Variants in NCKAP5 observed in about 807,000 individuals in gnomAD.
NCKAP5 encodes nck-associated protein 5.
In NCKAP5, 92 loss-of-function variants were observed where a neutral mutation model predicts 167.0. That is an observed-to-expected ratio of 0.55 (90% confidence interval 0.47 to 0.66). NCKAP5 has a LOEUF of 0.66. NCKAP5 is among the 30% of genes least tolerant of loss of function. The pLI is 0.00. For synonymous variants in NCKAP5, 891 were observed against 877.4 expected (o/e 1.02, Z -0.27); for missense variants, 2,378 against 2,315.0 (o/e 1.03, Z -0.56).
At chr2:133,455,844 A>C (rs1019875692) in intron 3 of NCKAP5, among the ~76,000 whole-genome samples, 2 of 152,172 alleles carry the variant, frequency 1.3e-5, no homozygotes, top group East Asian at 3.9e-4. Context: ...AAGACTTCAC[A>C]AGCATTAAGT....
intron 8 of NCKAP5, among the ~76,000 whole-genome samples, chr2:132,911,767 G>A (rs1300026197): frequency 6.6e-6 from 1 of 152,172 alleles, no homozygotes; most frequent in African/African-American, 2.4e-5. Context: ...AAGAGGTAAC[G>A]GAGAATTCTC....
At chr2:132,716,395 C>A (rs956501403) in intron 19 of NCKAP5, among the ~76,000 whole-genome samples, 3 of 152,200 alleles carry the variant, frequency 2.0e-5, no homozygotes, top group Non-Finnish European at 4.4e-5. Flanking sequence ...AGCACCATTG[C>A]CTAGTTCCGT....
At chr2:133,670,327 A>G in the NCKAP5 span, among the ~76,000 whole-genome samples, 1 of 152,214 alleles carries the variant, frequency 6.6e-6, no homozygotes, top group Non-Finnish European at 1.5e-5. Context: ...CCCTGAGCAC[A>G]CTGATTAACT....
intron 4 of NCKAP5, among the ~76,000 whole-genome samples, chr2:133,228,489 T>C (rs1320612496): frequency 6.6e-6 from 1 of 152,220 alleles, no homozygotes; most frequent in Non-Finnish European, 1.5e-5. Flanking sequence ...CTTAACAATT[T>C]ATATTAAGCA....
intron 4 of NCKAP5, among the ~76,000 whole-genome samples, chr2:133,271,558 C>T (rs540279388): frequency 6.6e-6 from 1 of 152,236 alleles, no homozygotes; most frequent in African/African-American, 2.4e-5. Context: ...TAAATGACAT[C>T]ACAAGGAAAC....
intron 5 of NCKAP5, among the ~76,000 whole-genome samples, chr2:133,187,262 A>T (rs1298742008): frequency 6.6e-6 from 1 of 152,016 alleles, no homozygotes; most frequent in African/African-American, 2.4e-5. Flanking sequence ...TATAGTTTTG[A>T]GAGATCTTCT....
chr2:132,789,738 AAAAATC>A (rs1683896646), intron 13 of NCKAP5, among the ~76,000 whole-genome samples: 1 of 152,218 alleles, frequency 6.6e-6, no homozygotes, highest in Non-Finnish European at 1.5e-5. Context: ...AGTAATTATT[AAAAATC>A]CTGGTAAAGG....
intron 3 of NCKAP5, among the ~76,000 whole-genome samples, chr2:133,316,958 A>G (rs1186355118): frequency 6.6e-6 from 1 of 152,154 alleles, no homozygotes; most frequent in Non-Finnish European, 1.5e-5. Flanking sequence ...GTGAATCACC[A>G]TGACTGACCA....
chr2:132,974,345 G>T (rs770391640), intron 7 of NCKAP5, among the ~76,000 whole-genome samples: 1 of 152,144 alleles, frequency 6.6e-6, no homozygotes, highest in Non-Finnish European at 1.5e-5. Flanking sequence ...GATCAGGGTG[G>T]TGTTAAAATG....
In NCKAP5 at chr2:133,469,077, C is replaced by T. The variant is rs570637703; in HGVS notation, c.69+48381G>A. ...TATGATGTTAGCTGGTGATTTTGCT[C>T]ATTAGTTGATGCAGTTTCTTCCTAG... is the stretch of plus-strand genomic sequence containing the variant. On this transcript the variant is annotated intron_variant, in intron 3 of 19. Transcript: ENST00000409261. Among the ~76,000 whole-genome samples, 13 of 151,610 alleles carry T rather than the reference C, an allele frequency of 8.6e-5. No individual in the cohort carries two copies. In the South Asian group the frequency reaches 2.5e-3, roughly 30 times the overall value.
In NCKAP5 at chr2:133,351,969, A is replaced by G. The variant is rs150054578; in HGVS notation, c.70-48859T>C. Among the ~76,000 whole-genome samples the G allele has an allele frequency of 7.6e-4, 116 of 152,176 alleles. 1 individual carries two copies. Among genetic ancestry groups the G allele is most frequent in the African/African-American group, 2.7e-3 (112 of 41,516 alleles). Reference sequence around the variant, plus strand: ...ATGATGCTGTTAAAATGTAAGTCACATCATGCCATTCCCTTCCTCAAGCCC... The same window carrying G: ...ATGATGCTGTTAAAATGTAAGTCACGTCATGCCATTCCCTTCCTCAAGCCC... On this transcript the variant is annotated intron_variant, in intron 3 of 19. Coordinates refer to ENST00000409261, the MANE Select transcript of NCKAP5 (RefSeq NM_207363.3).
chr2:133,571,521 G>A (rs768025097), upstream of NCKAP5, among the ~76,000 whole-genome samples: 8 of 152,072 alleles, frequency 5.3e-5, 1 homozygote, highest in Non-Finnish European at 1.5e-5. Flanking sequence ...CCTGAGGCCT[G>A]GGAGAAGGAC....
At chr2:133,628,095 A>T in the NCKAP5 span, among the ~76,000 whole-genome samples, 4 of 152,112 alleles carry the variant, frequency 2.6e-5, no homozygotes, top group African/African-American at 9.6e-5. Context: ...GACAAGAATG[A>T]CCTCTCTCAA....
At chr2:132,719,342 A>C (rs1310990733) in intron 19 of NCKAP5, among the ~76,000 whole-genome samples, 1 of 151,528 alleles carries the variant, frequency 6.6e-6, no homozygotes, top group Non-Finnish European at 1.5e-5. Context: ...ATATTATTTT[A>C]ACAGCAAAAG....
chr2:133,507,893 A>AT (rs1309673560), intron 3 of NCKAP5, among the ~76,000 whole-genome samples: 2 of 152,192 alleles, frequency 1.3e-5, no homozygotes, highest in East Asian at 3.9e-4. Context: ...ATAAATATTA[A>AT]TTGATAAAAA....
the NCKAP5 span, among the ~76,000 whole-genome samples, chr2:133,599,050 C>T: frequency 1.3e-5 from 2 of 152,196 alleles, no homozygotes; most frequent in East Asian, 3.8e-4. Flanking sequence ...TAAGGACTGT[C>T]ATTGGAATAG....
chr2:133,611,570 T>G, the NCKAP5 span, among the ~76,000 whole-genome samples: 1 of 152,174 alleles, frequency 6.6e-6, no homozygotes, highest in South Asian at 2.1e-4. Context: ...TTTTGGTCTA[T>G]TTTTTAATCT....
chr2:133,667,510 G>A, the NCKAP5 span, among the ~76,000 whole-genome samples: 3 of 151,974 alleles, frequency 2.0e-5, no homozygotes, highest in East Asian at 1.9e-4. Context: ...CTCAGACCTC[G>A]ACAGGGCTGA....
intron 4 of NCKAP5, among the ~76,000 whole-genome samples, chr2:133,227,445 T>C (rs1222667298): frequency 6.6e-6 from 1 of 152,210 alleles, no homozygotes; most frequent in African/African-American, 2.4e-5. Flanking sequence ...ATATACTCTC[T>C]GGCTGCCCCA....
Sources: allele counts gnomAD v4.1 joint callset (sites outside exome capture counted in the v4.1 genomes callset), GRCh38; gene constraint gnomAD v4.1.1; transcripts MANE v1.5; gene names NCBI Gene and HGNC (gene_info 2026-07-23, HGNC 2026-07-21).